The following TMEM156 variants were observed in gnomAD, a reference collection of about 807,000 sequenced individuals.
TMEM156 encodes the protein transmembrane protein 156.
Under a neutral mutation model 30.5 loss-of-function variants are expected in TMEM156, and 28 were observed. That is an observed-to-expected ratio of 0.92 (90% CI 0.68 to 1.26). The LOEUF (loss-of-function observed/expected upper bound fraction) is 1.26, where lower values mean the gene tolerates loss of function less well. TMEM156 is among the 50% of genes most tolerant of loss of function. TMEM156 has a pLI of 0.00. For missense variants in TMEM156, 351 were observed against 340.6 expected (o/e 1.03, Z -0.24); for synonymous variants, 137 against 119.9 (o/e 1.14, Z -0.93).
chr4:38,971,154 A>G lies in TMEM156; in HGVS notation c.824-17T>C. 6.2e-7 allele frequency: 1 copy of G among 1,612,512 alleles called. No individual in the cohort carries two copies. The highest frequency in any genetic ancestry group is 1.1e-5 in the South Asian group (1 of 91,034). ...TGGTCTCTGCTATTTAAGAAGGAGA[A>G]CTGTTTTAGTCTATATGTAGTAAAT... On this transcript the variant is annotated splice_polypyrimidine_tract_variant and intron_variant, in intron 5 of 6. Transcript: ENST00000381938.
chr4:38,990,141 TACAAAAG>T (rs1271590339), intron 3 of TMEM156, among the ~76,000 whole-genome samples: 3 of 152,230 alleles, frequency 2.0e-5, no homozygotes, highest in Non-Finnish European at 4.4e-5. Context: ...CTTCTTTGCA[TACAAAAG>T]ACAGCTAGTA....
chr4:38,999,960 C>T lies in TMEM156; in HGVS notation c.89-1051G>A, dbSNP rs772130611. 5.3e-5 allele frequency among the ~76,000 whole-genome samples: 8 copies of T among 152,166 alleles called. No individual in the cohort carries two copies. The South Asian group carries it at 6.2e-4, about 12-fold the overall frequency. ...AGAATTAGCACCAGATATCTTTAGA[C>T]GGCCATTATTCAGCCTACCACAACT... On this transcript the variant is annotated intron_variant, in intron 1 of 6. Coordinates refer to ENST00000381938, the MANE Select transcript of TMEM156 (RefSeq NM_024943.3).
chr4:39,011,354 C>T (rs142565254), intron 1 of TMEM156, among the ~76,000 whole-genome samples: 1 of 152,194 alleles, frequency 6.6e-6, no homozygotes, highest in African/African-American at 2.4e-5. Context: ...TCTGAAAGAA[C>T]TGAAAATAGA....
intron 3 of TMEM156, among the ~76,000 whole-genome samples, chr4:38,992,829 T>G (rs1712629083): frequency 6.7e-6 from 1 of 148,540 alleles, no homozygotes. Flanking sequence ...CAGCGCGATC[T>G]CGGCTCACTG....
rs1428133899 is a variant in TMEM156 at position 38,967,497 on chromosome 4, C to A, written c.*183G>T. The A allele has an allele frequency of 6.6e-6, 1 of 152,134 alleles. No homozygotes were observed. Among genetic ancestry groups the A allele is most frequent in the Non-Finnish European group, 1.5e-5 (1 of 68,028 alleles). The allele number at this position is 152,134 out of a possible 1,614,324, so 9.4% of individuals were successfully genotyped here. A position where few individuals can be genotyped will look rare whatever the true frequency, so the allele number is the denominator to read the frequency against. ...CATGGAGCGAATGAATGCTCTTAAG[C>A]TAGTTTTCATCAACCAGTCAGCATT... On this transcript the variant is annotated 3_prime_UTR_variant, in exon 7 of 7. Transcript: ENST00000381938.
At chr4:39,022,831 T>C (rs1714959225) in intron 1 of TMEM156, among the ~76,000 whole-genome samples, 1 of 152,238 alleles carries the variant, frequency 6.6e-6, no homozygotes, top group Non-Finnish European at 1.5e-5. Flanking sequence ...GAAATGTAGA[T>C]TATTTCTTTG....
intron 3 of TMEM156, among the ~76,000 whole-genome samples, chr4:38,992,451 G>GT (rs1053762733): frequency 2.0e-5 from 3 of 151,730 alleles, no homozygotes; most frequent in African/African-American, 7.3e-5. Context: ...TAACTAGGAA[G>GT]TTAACCAACC....
intron 2 of TMEM156, 136 bp downstream of exon 2, chr4:38,998,504 A>G (rs954227186): frequency 2.1e-5 from 15 of 725,290 alleles, no homozygotes; most frequent in Non-Finnish European, 2.6e-5. Flanking sequence ...AGATTGCACC[A>G]CTGCACTCTA....
intron 3 of TMEM156, among the ~76,000 whole-genome samples, chr4:38,991,025 G>C (rs1025739495): frequency 2.0e-5 from 3 of 150,904 alleles, no homozygotes; most frequent in African/African-American, 7.3e-5. Flanking sequence ...AGTAGAGACA[G>C]GGTTTCACCA....
At chr4:38,977,238 A>G (rs1722901479) in intron 5 of TMEM156, among the ~76,000 whole-genome samples, 2 of 152,202 alleles carry the variant, frequency 1.3e-5, no homozygotes, top group African/African-American at 4.8e-5. Flanking sequence ...AGATATCAAA[A>G]GAGCCTATTC....
chr4:38,990,042 G>C (rs138208148), intron 3 of TMEM156, among the ~76,000 whole-genome samples: 1 of 152,232 alleles, frequency 6.6e-6, no homozygotes, highest in African/African-American at 2.4e-5. Context: ...CAATCCACCC[G>C]CCTCGGCCTC....
At chr4:39,029,558 C>CA (rs1715399290) in intron 1 of TMEM156, among the ~76,000 whole-genome samples, 1 of 15,204 alleles carries the variant, frequency 6.6e-5, no homozygotes, top group African/African-American at 6.1e-4. Flanking sequence ...ACTAAAAATA[C>CA]AAAAAATTAG....
At position 39,010,486 on chromosome 4, in the gene TMEM156, GC is replaced by G. The variant is rs1714036977; in HGVS notation, c.89-11578del. 2.6e-5 allele frequency among the ~76,000 whole-genome samples: 4 copies of G among 152,226 alleles called. No homozygotes were observed. In the South Asian group the frequency reaches 8.3e-4, roughly 32 times the overall value. ...CTAAGCAAAAAGAACAAAGCCAGAG[GC>G]ATCATATCTTCCAACTTCAAACTAT... is the stretch of plus-strand genomic sequence containing the variant. On this transcript the variant is annotated intron_variant, in intron 1 of 6. Coordinates refer to ENST00000381938, the MANE Select transcript of TMEM156 (RefSeq NM_024943.3).
At chr4:38,985,484 G>A (rs1053564726) in intron 5 of TMEM156, among the ~76,000 whole-genome samples, 9 of 152,154 alleles carry the variant, frequency 5.9e-5, no homozygotes, top group African/African-American at 2.2e-4. Flanking sequence ...AGTGAAATGC[G>A]GTGCAAATCT....
chr4:39,006,209 C>T (rs1166662260), intron 1 of TMEM156, among the ~76,000 whole-genome samples: 1 of 152,090 alleles, frequency 6.6e-6, no homozygotes, highest in Non-Finnish European at 1.5e-5. Context: ...TTCTTTTTGA[C>T]ACACATTCTG....
Position 38,985,516 on chromosome 4 carries a change from T to C in TMEM156, c.823+820A>G, listed in dbSNP as rs150944206. On this transcript the variant is annotated intron_variant, in intron 5 of 6. Transcript: ENST00000381938. ...ATCTCTATGTCGCTACTGATGCAGC[T>C]GTAGGGTGGGGGACTGGAGGTTTGC... Among the ~76,000 whole-genome samples the C allele has an allele frequency of 3.4e-3, 517 of 152,280 alleles. 3 individuals are homozygous for C. The highest frequency in any genetic ancestry group is 0.017 in the Middle Eastern group (5 of 294).
chr4:39,006,610 C>G (rs1241083231), intron 1 of TMEM156, among the ~76,000 whole-genome samples: 1 of 151,988 alleles, frequency 6.6e-6, no homozygotes, highest in Non-Finnish European at 1.5e-5. Flanking sequence ...TCGCCTTTCA[C>G]ATTTCATTTC....
chr4:39,022,749 C>T (rs1364361574), intron 1 of TMEM156, among the ~76,000 whole-genome samples: 1 of 152,150 alleles, frequency 6.6e-6, no homozygotes, highest in African/African-American at 2.4e-5. Context: ...ATAGTAGGCA[C>T]ACCAGAGGCT....
At position 39,029,713 on chromosome 4, in the gene TMEM156, CAAAAAAAAAAA is replaced by C. The variant is rs1162125684; in HGVS notation, c.88+2502_88+2512del. On this transcript the variant is annotated intron_variant, in intron 1 of 6. Coordinates refer to ENST00000381938, the MANE Select transcript of TMEM156 (RefSeq NM_024943.3). Reference sequence around the variant, plus strand: ...TGGGCGACAGAGCGAGACTCCGTCTCAAAAAAAAAAAAAAAAAAAAAAAAAAAGAACTAATT... The same window carrying C: ...TGGGCGACAGAGCGAGACTCCGTCTCAAAAAAAAAAAAAAAAGAACTAATT... Among the ~76,000 whole-genome samples, 4 of 1,960 alleles carry C rather than the reference CAAAAAAAAAAA, an allele frequency of 2.0e-3. 1 individual carries two copies. The highest frequency in any genetic ancestry group is 4.0e-3 in the Non-Finnish European group (4 of 1,008). The allele number at this position is 1,960 out of a possible 152,430, so 1.3% of individuals were successfully genotyped here.
Sources: gnomAD v4.1 joint callset for allele counts (sites outside exome capture counted in the v4.1 genomes callset) on GRCh38, gnomAD v4.1.1 for gene constraint, MANE v1.5 for transcripts, NCBI Gene and HGNC (gene_info 2026-07-23, HGNC 2026-07-21) for gene names.